Variants in PARP4 observed in about 807,000 individuals in gnomAD.
PARP4 encodes the protein poly(ADP-ribose) polymerase family member 4.
In PARP4, 120 loss-of-function variants were observed where a neutral mutation model predicts 187.7. That is an observed-to-expected ratio of 0.64 (90% CI 0.55 to 0.74). PARP4 has a LOEUF of 0.74. PARP4 is among the 30% of genes least tolerant of loss of function. The pLI is 0.00. For synonymous variants in PARP4, 654 were observed against 740.9 expected, an observed-to-expected ratio of 0.88 and a Z score of 1.90; for missense variants, 1,836 against 2,070.5, an observed-to-expected ratio of 0.89 and a Z score of 2.20.
At chr13:24,462,765 T>C (rs143272382) in intron 17 of PARP4, among the ~76,000 whole-genome samples, 1 of 152,314 alleles carries the variant, frequency 6.6e-6, no homozygotes, top group South Asian at 2.1e-4. Flanking sequence ...GTTGAAGAAT[T>C]TGACAAGCCT....
intron 25 of PARP4, among the ~76,000 whole-genome samples, chr13:24,448,752 G>A (rs1171628021): frequency 6.6e-6 from 1 of 152,140 alleles, no homozygotes; most frequent in South Asian, 2.1e-4. Context: ...TAAGCAAAAC[G>A]TGGTCCATCC....
intron 15 of PARP4, among the ~76,000 whole-genome samples, chr13:24,471,901 T>C (rs1438350497): frequency 6.6e-6 from 1 of 152,230 alleles, no homozygotes; most frequent in Non-Finnish European, 1.5e-5. Flanking sequence ...GATATTATTA[T>C]TTCCATTTTA....
At chr13:24,471,737 G>A (rs1326870199) in intron 15 of PARP4, among the ~76,000 whole-genome samples, 1 of 152,142 alleles carries the variant, frequency 6.6e-6, no homozygotes, top group African/African-American at 2.4e-5. Context: ...CTTCGGGTTT[G>A]AAATATCAAA....
At position 24,459,971 on chromosome 13, in the gene PARP4, C is replaced by T. The variant is rs1297718588; in HGVS notation, c.2298+1G>A. 6.2e-7 allele frequency: 1 copy of T among 1,613,578 alleles called. No homozygotes were observed. Among genetic ancestry groups the T allele is most frequent in the East Asian group, 2.2e-5 (1 of 44,882 alleles). ...CTTCTTCAAATCTTATGCGTACAAA[C>T]CTGAAGGTTTTCATTCAAAGCCTTG... On this transcript the variant is annotated splice_donor_variant, in intron 18 of 33. Coordinates refer to ENST00000381989, the MANE Select transcript of PARP4 (RefSeq NM_006437.4). LOFTEE classifies it high-confidence loss of function.
intron 5 of PARP4, among the ~76,000 whole-genome samples, chr13:24,498,751 G>GA (rs5802285): frequency 6.1e-5 from 9 of 147,864 alleles, no homozygotes; most frequent in Admixed American, 1.3e-4. Context: ...CATTTGTGGG[G>GA]AAAAAAAAAA....
intron 32 of PARP4, among the ~76,000 whole-genome samples, chr13:24,429,555 C>T (rs1237112327): frequency 6.6e-6 from 1 of 152,234 alleles, no homozygotes; most frequent in Non-Finnish European, 1.5e-5. Context: ...GGGGTATAGT[C>T]CTTGATCATG....
intron 15 of PARP4, among the ~76,000 whole-genome samples, chr13:24,473,576 C>T (rs139212617): frequency 2.3e-4 from 35 of 152,036 alleles, no homozygotes; most frequent in African/African-American, 7.7e-4. Context: ...TTCCCTCCTG[C>T]GCTGACTCCC....
At chr13:24,456,508 G>T in intron 20 of PARP4, 30 bp from the exon 21 acceptor site, 1 of 1,576,424 alleles carries the variant, frequency 6.3e-7, no homozygotes, top group South Asian at 1.1e-5. Context: ...ACAACAAGGT[G>T]AGTAATGGAG....
At chr13:24,486,677 C>T (rs562504820) in intron 10 of PARP4, among the ~76,000 whole-genome samples, 9 of 152,274 alleles carry the variant, frequency 5.9e-5, no homozygotes, top group Admixed American at 1.3e-4. Flanking sequence ...TCTGGCTGGG[C>T]GCAATGGCTC....
At chr13:24,458,083 C>T (rs1047440170) in intron 20 of PARP4, among the ~76,000 whole-genome samples, 3 of 150,966 alleles carry the variant, frequency 2.0e-5, no homozygotes, top group African/African-American at 7.3e-5. Flanking sequence ...AAAGCCTGGG[C>T]AACATGGTGA....
intron 17 of PARP4, among the ~76,000 whole-genome samples, chr13:24,468,639 G>C (rs1412295805): frequency 6.6e-6 from 1 of 152,060 alleles, no homozygotes; most frequent in Non-Finnish European, 1.5e-5. Context: ...CCTGACCTCA[G>C]GTGATATGCC....
intron 8 of PARP4, among the ~76,000 whole-genome samples, chr13:24,493,387 T>C (rs559696364): frequency 1.9e-4 from 29 of 152,342 alleles, no homozygotes; most frequent in Non-Finnish European, 4.1e-4. Context: ...GAGGCTGACA[T>C]TTTACAGACA....
chr13:24,423,527 C>T (rs955441254), intron 33 of PARP4, among the ~76,000 whole-genome samples: 6 of 79,510 alleles, frequency 7.5e-5, no homozygotes, highest in African/African-American at 4.0e-4. Flanking sequence ...CGAGATCTGG[C>T]CTCAAAAAAT....
At chr13:24,482,303 T>C (rs904868685) in intron 12 of PARP4, among the ~76,000 whole-genome samples, 1 of 152,212 alleles carries the variant, frequency 6.6e-6, no homozygotes, top group African/African-American at 2.4e-5. Context: ...CAACAAAGGA[T>C]TTTGAATATC....
chr13:24,434,835 G>T lies in PARP4; in HGVS notation c.4306C>A (p.Gln1436Lys). The change falls in exon 31 of 34, where the codon CAG (glutamine) becomes AAG (lysine). Residue 1436 changes from glutamine to lysine, a missense_variant. Physicochemically the swap from Gln to Lys is moderately conservative, Grantham distance 53 (BLOSUM62 1). Around this residue, in one of 8 missense-constraint regions of PARP4, gnomAD observed 450 missense variants for 439.2 expected, o/e 1.02. Coordinates refer to ENST00000381989, the MANE Select transcript of PARP4 (RefSeq NM_006437.4). ...TCTGTAGGAAGAGAGAAATGAAGCT[G>T]GGGAGAATCCAGCTCAGGGAAGGTG... The part of the protein sequence containing the change: ...AGTFPELDSP[Q>K]LHFSLPTDPD... The T allele has an allele frequency of 1.2e-6, 2 of 1,613,728 alleles. No individual in the cohort carries two copies.
At chr13:24,503,616 A>G in intron 2 of PARP4, 29 bp downstream of exon 2, 1 of 1,611,080 alleles carries the variant, frequency 6.2e-7, no homozygotes, top group Non-Finnish European at 8.5e-7. Flanking sequence ...ATGTTTTATC[A>G]CACTGTAGTT....
chr13:24,440,434 A>AG (rs1870867179), intron 30 of PARP4, among the ~76,000 whole-genome samples: 1 of 151,260 alleles, frequency 6.6e-6, no homozygotes, highest in East Asian at 1.9e-4. Flanking sequence ...AAAAAAAAAA[A>AG]AAAAGAAATC....
At position 24,455,138 on chromosome 13, in the gene PARP4, A is replaced by C. The variant is rs1338184641; in HGVS notation, c.2637T>G (p.Ile879Met). The C allele has an allele frequency of 6.2e-7, 1 of 1,613,094 alleles. No individual in the cohort carries two copies. The change falls in exon 22 of 34, where the codon ATT becomes ATG. Residue 879 changes from isoleucine (I) to methionine (M), a missense_variant. Coordinates refer to ENST00000381989, the MANE Select transcript of PARP4 (RefSeq NM_006437.4). ...CCATGGAACTGGAGCAGTCAAGACA[A>C]ATAATCACTTCGCTCTCACTGGCTA... The part of the protein sequence containing the change: ...PDLASESEVI[I>M]CLDCSSSMEG...
At chr13:24,480,525 T>C (rs551322918) in intron 12 of PARP4, among the ~76,000 whole-genome samples, 2 of 152,292 alleles carry the variant, frequency 1.3e-5, no homozygotes, top group East Asian at 3.9e-4. Flanking sequence ...AAGTGGTGAA[T>C]GTAAAGAAAC....
Sources: gnomAD v4.1 joint callset for allele counts (sites outside exome capture counted in the v4.1 genomes callset) on GRCh38, gnomAD v4.1.1 for gene constraint, gnomAD v4.1.1 regional missense constraint, MANE v1.5 for transcripts, NCBI Gene and HGNC (gene_info 2026-07-23, HGNC 2026-07-21) for gene names.